FAT4: variants seen among roughly 807,000 people sequenced by gnomAD.
FAT4 encodes protocadherin Fat 4.
Under a neutral mutation model 303.9 loss-of-function variants are expected in FAT4, and 84 were observed. The observed-to-expected ratio is 0.28, with a 90% CI of 0.23 to 0.33. FAT4 has a LOEUF of 0.33. Among genes scored for constraint, FAT4 ranks in the 10% least tolerant of loss-of-function variants. The probability of loss-of-function intolerance (pLI) is 1.00; values close to 1 mark genes in which losing one functional copy is unlikely to be tolerated. For missense variants in FAT4, 6,005 were observed against 6,146.8 expected, an observed-to-expected ratio of 0.98 and a Z score of 0.77; for synonymous variants, 2,307 against 2,298.8, an observed-to-expected ratio of 1.00 and a Z score of -0.10.
intron 2 of FAT4, among the ~76,000 whole-genome samples, chr4:125,353,482 A>T (rs1408850474): frequency 2.6e-5 from 4 of 151,670 alleles, no homozygotes; most frequent in Non-Finnish European, 5.9e-5. Context: ...ATATGTTTTA[A>T]AGTAAGTCCT....
rs541599557 is a variant in FAT4, at chr4:125,331,071, T to C, written c.5175+9485T>C. Among the ~76,000 whole-genome samples, 5 of 152,252 alleles carry C rather than the reference T, an allele frequency of 3.3e-5. No individual in the cohort carries two copies. The South Asian group carries it at 1.0e-3, about 32-fold the overall frequency. The stretch of plus-strand genomic sequence containing the variant: ...GTCACCTTGCAAAGTCCTTCTTCCC[T>C]CCAGTTTTCGTTTTTCTCTTTCCTT... On this transcript the variant is annotated intron_variant, in intron 2 of 17. Transcript: ENST00000394329.
intron 2 of FAT4, among the ~76,000 whole-genome samples, chr4:125,336,325 TAAGTA>T (rs1731575604): frequency 6.6e-6 from 1 of 152,058 alleles, no homozygotes; most frequent in Non-Finnish European, 1.5e-5. Context: ...TTATTTATTT[TAAGTA>T]AACTACAGAA....
rs1241879973 is a variant in FAT4, at chr4:125,492,823, ATT to A, written c.*1057_*1058del. On this transcript the variant is annotated 3_prime_UTR_variant, in exon 18 of 18. Transcript: ENST00000394329. ...GAAGGTAAGAAAATACTTTTTTTAT[ATT>A]TGTTACTTATGTAACATTCATATTT... The A allele has an allele frequency of 6.6e-6, 1 of 152,322 alleles. No homozygotes were observed. The highest frequency in any genetic ancestry group is 6.5e-5 in the Admixed American group (1 of 15,274). 9.4% of individuals were successfully genotyped at this position (152,322 alleles called of 1,614,324 possible). A position where few individuals can be genotyped will look rare whatever the true frequency, so the allele number is the denominator to read the frequency against.
Position 125,316,426 on chromosome 4 carries a change from A to G in FAT4, c.15A>G (p.Pro5=), listed in dbSNP as rs1730589241. MDLA[P]DRATGRPWLP... ...GAGCCAGGACCATGGACTTAGCACCAGACAGGGCTACTGGCCGCCCGTGGC... is the reference window on the plus strand; with the variant it reads ...GAGCCAGGACCATGGACTTAGCACCGGACAGGGCTACTGGCCGCCCGTGGC... Residue 5 remains proline (P), a synonymous_variant, in exon 2 of 18, where the codon CCA becomes CCG. Transcript: ENST00000394329. This position sits in a 1 kb window ranked among gnomAD's most constrained non-coding sequence, Gnocchi z 5.7. 1.9e-6 allele frequency: 3 copies of G among 1,611,202 alleles called. No individual in the cohort carries two copies. Among genetic ancestry groups the G allele is most frequent in the African/African-American group, 2.7e-5 (2 of 74,890 alleles).
rs771703818 is a variant in FAT4 at position 125,452,362 on chromosome 4, C to T, written c.11352C>T (p.Phe3784=). ...TGAATCCCAGTGGCGTAGCCACCTT[C>T]TTTGAAAGCATCAAAGAGATCCTTC... is the stretch of plus-strand genomic sequence containing the variant. ...QYVNPSGVAT[F]FESIKEILLR... The change falls in exon 10 of 18, where the codon TTC becomes TTT. Residue 3784 remains phenylalanine, a synonymous_variant. Transcript: ENST00000394329. 2.5e-6 allele frequency: 4 copies of T among 1,614,218 alleles called. No individual in the cohort carries two copies. Among genetic ancestry groups the T allele is most frequent in the Non-Finnish European group, 3.4e-6 (4 of 1,180,048 alleles).
At chr4:125,390,282 G>T (rs2126005989) in intron 2 of FAT4, among the ~76,000 whole-genome samples, 1 of 152,156 alleles carries the variant, frequency 6.6e-6, no homozygotes, top group Middle Eastern at 3.4e-3. Flanking sequence ...ACATCACCCT[G>T]ATGCGGTCAT....
At chr4:125,434,575 A>T (rs1725391518) in intron 8 of FAT4, 150 bp downstream of exon 8, 2 of 586,748 alleles carry the variant, frequency 3.4e-6, no homozygotes, top group African/African-American at 3.9e-5. Context: ...CAATTCATTA[A>T]ATGAAGATTC....
rs1442544082 is a variant in FAT4, at chr4:125,318,451, G to A, written c.2040G>A (p.Leu680=). ...TGGCTCGCATAAATGTGAGTCTTCT[G>A]GATATAAATGATAACAGCCCTGTCT... is the stretch of plus-strand genomic sequence containing the variant. ...SSMARINVSL[L]DINDNSPVFY... Residue 680 remains leucine, a synonymous_variant, in exon 2 of 18, where the codon CTG becomes CTA. Transcript: ENST00000394329. 6.2e-7 allele frequency: 1 copy of A among 1,614,110 alleles called. No homozygotes were observed. The highest frequency in any genetic ancestry group is 1.7e-5 in the Admixed American group (1 of 60,018).
intron 13 of FAT4, among the ~76,000 whole-genome samples, chr4:125,476,696 A>G (rs1578688239): frequency 6.6e-6 from 1 of 152,314 alleles, no homozygotes; most frequent in Middle Eastern, 3.4e-3. Context: ...AAAATGATAA[A>G]CAGAGAAAAA....
chr4:125,387,942 C>T (rs530545701), intron 2 of FAT4, among the ~76,000 whole-genome samples: 1 of 152,270 alleles, frequency 6.6e-6, no homozygotes, highest in South Asian at 2.1e-4. Context: ...TACAAAAATT[C>T]ACTTTTATCC....
intron 2 of FAT4, among the ~76,000 whole-genome samples, chr4:125,340,064 T>C (rs189691059): frequency 5.3e-5 from 8 of 152,246 alleles, no homozygotes; most frequent in Non-Finnish European, 8.8e-5. Context: ...AAATATTCTT[T>C]AAAATCACTG....
chr4:125,416,645 C>T, intron 7 of FAT4, 23 bp downstream of exon 7: 1 of 1,609,580 alleles, frequency 6.2e-7, no homozygotes, highest in African/African-American at 1.3e-5. Flanking sequence ...CACCCTTGTT[C>T]ATTTGTAGAT....
intron 2 of FAT4, among the ~76,000 whole-genome samples, chr4:125,388,156 G>A (rs1357999849): frequency 6.6e-6 from 1 of 152,100 alleles, no homozygotes; most frequent in African/African-American, 2.4e-5. Context: ...GCCCCTTCTT[G>A]TGCTATTTTT....
At chr4:125,370,875 G>T (rs1243067321) in intron 2 of FAT4, among the ~76,000 whole-genome samples, 1 of 152,108 alleles carries the variant, frequency 6.6e-6, no homozygotes, top group Admixed American at 6.6e-5. Context: ...GCCAGCCTGG[G>T]TGGCTCACGC....
chr4:125,457,543 A>G (rs2126066579), intron 10 of FAT4, among the ~76,000 whole-genome samples: 1 of 152,176 alleles, frequency 6.6e-6, no homozygotes, highest in South Asian at 2.1e-4. Flanking sequence ...TGGAAAAAGA[A>G]CCAAAAGAAA....
At chr4:125,379,041 C>A (rs1003695570) in intron 2 of FAT4, among the ~76,000 whole-genome samples, 55 of 151,896 alleles carry the variant, frequency 3.6e-4, no homozygotes, top group African/African-American at 4.6e-4. Flanking sequence ...CAACAGAAAA[C>A]CCTTGATTAA....
rs770627566 is a variant in FAT4, at chr4:125,316,950, A to G, written c.539A>G (p.Asn180Ser). 3 of 1,613,936 alleles carry G rather than the reference A, an allele frequency of 1.9e-6. No homozygotes were observed. Among genetic ancestry groups the G allele is most frequent in the South Asian group, 1.1e-5 (1 of 91,078 alleles). Residue 180 changes from asparagine to serine, a missense_variant, in exon 2 of 18, where the codon AAT becomes AGT. Asn to Ser is a conservative substitution (Grantham distance 46). Coordinates refer to ENST00000394329, the MANE Select transcript of FAT4 (RefSeq NM_001291303.3). This position sits in a 1 kb window ranked among gnomAD's most constrained non-coding sequence, Gnocchi z 5.7. ...DHRSYRIIRG[N>S]EAGRFRLDIT... The stretch of plus-strand genomic sequence containing the variant: ...CGCTCCTACCGCATCATCCGCGGCA[A>G]TGAGGCGGGGCGCTTCCGTCTGGAC...
intron 16 of FAT4, among the ~76,000 whole-genome samples, chr4:125,482,938 C>T (rs1334716489): frequency 6.6e-6 from 1 of 152,104 alleles, no homozygotes; most frequent in Admixed American, 6.5e-5. Flanking sequence ...AGATTTTACC[C>T]CCATGGGACA....
chr4:125,363,252 A>C (rs553933410), intron 2 of FAT4, among the ~76,000 whole-genome samples: 1 of 151,928 alleles, frequency 6.6e-6, no homozygotes, highest in South Asian at 2.1e-4. Context: ...TGTGTTAATG[A>C]AATTGGGTGC....
Sources: gnomAD v4.1 joint callset for allele counts (sites outside exome capture counted in the v4.1 genomes callset) on GRCh38, gnomAD v4.1.1 for gene constraint, Gnocchi (gnomAD v3.1) non-coding constraint, MANE v1.5 for transcripts, NCBI Gene and HGNC (gene_info 2026-07-23, HGNC 2026-07-21) for gene names.